PASD1: variants seen among roughly 807,000 people sequenced by gnomAD.
PASD1 encodes the protein circadian clock protein PASD1.
In PASD1, 13 loss-of-function variants were observed where a neutral mutation model predicts 58.8. The ratio of observed to expected loss-of-function variants is 0.22; its 90% CI spans 0.14 to 0.35. The LOEUF (loss-of-function observed/expected upper bound fraction) is 0.35. PASD1 is among the 10% of genes least tolerant of loss of function. The pLI, the probability that PASD1 is intolerant of heterozygous loss-of-function variation, is 1.00. For synonymous variants in PASD1, 236 were observed against 216.7 expected, an observed-to-expected ratio of 1.09 and a Z score of -0.78; for missense variants, 734 against 568.3, an observed-to-expected ratio of 1.29 and a Z score of -2.96.
Position 151,621,603 on chromosome X carries a change from C to A in PASD1, c.418+11C>A. On this transcript the variant is annotated intron_variant, in intron 6 of 15. Coordinates refer to ENST00000370357, the MANE Select transcript of PASD1 (RefSeq NM_173493.3). ...GAGATATTTGTAATGGTAAGCAGTT[C>A]TGTTTATCTTATCTATATGACATTT... 1.8e-6 allele frequency: 2 copies of A among 1,107,647 alleles called. No individual in the cohort carries two copies. The highest frequency in any genetic ancestry group is 3.0e-5 in the East Asian group (1 of 32,827). The allele number at this position is 1,107,647 out of a possible 1,213,427, so 91.3% of individuals were successfully genotyped here.
intron 2 of PASD1, among the ~76,000 whole-genome samples, chrX:151,603,373 C>A (rs895702698): frequency 1.8e-5 from 2 of 112,307 alleles, no homozygotes; most frequent in African/African-American, 6.5e-5. Context: ...TAAACAAAAA[C>A]AAGTTCATGG....
intron 2 of PASD1, among the ~76,000 whole-genome samples, chrX:151,604,137 G>T (rs1291160509): frequency 1.8e-5 from 2 of 111,592 alleles, no homozygotes; most frequent in African/African-American, 6.5e-5. Context: ...TAGGACAGAT[G>T]GGGGAGAGGA....
intron 11 of PASD1, among the ~76,000 whole-genome samples, chrX:151,669,813 A>T (rs1457027775): frequency 8.9e-6 from 1 of 112,026 alleles, no homozygotes; most frequent in Non-Finnish European, 1.9e-5. Context: ...ACTTGGGTTA[A>T]TTCCAAATTT....
At chrX:151,613,034 A>C (rs920854174) in intron 4 of PASD1, among the ~76,000 whole-genome samples, 11 of 111,968 alleles carry the variant, frequency 9.8e-5, no homozygotes, top group African/African-American at 3.2e-4. Flanking sequence ...CTTTCAACAT[A>C]TGGCTAGCCC....
rs376601663 is a variant in PASD1, at chrX:151,658,348, A to G, written c.718-1365A>G. On this transcript the variant is annotated intron_variant, in intron 9 of 15. Transcript: ENST00000370357. Reference sequence around the variant, plus strand: ...TCTTGGCTTTGTTTTTTCCAGGCCAATTACCATTACTGCACATGATGCTGT... The same window carrying G: ...TCTTGGCTTTGTTTTTTCCAGGCCAGTTACCATTACTGCACATGATGCTGT... Among the ~76,000 whole-genome samples the G allele has an allele frequency of 4.4e-5, 5 of 112,515 alleles. No homozygotes were observed. In the East Asian group the frequency reaches 1.4e-3, roughly 31 times the overall value.
intron 9 of PASD1, among the ~76,000 whole-genome samples, chrX:151,655,656 T>G (rs1196614783): frequency 2.7e-5 from 3 of 112,464 alleles, no homozygotes; most frequent in East Asian, 5.6e-4. Context: ...TGTCTTCTTT[T>G]GAGAAGTGTC....
chrX:151,596,491 C>A (rs925875856), intron 1 of PASD1, among the ~76,000 whole-genome samples: 2 of 112,409 alleles, frequency 1.8e-5, no homozygotes, highest in Non-Finnish European at 3.8e-5. Context: ...AGCATTGCCT[C>A]TTTTTAAGGA....
chrX:151,618,309 A>G (rs2013663304), intron 4 of PASD1, among the ~76,000 whole-genome samples: 1 of 112,270 alleles, frequency 8.9e-6, no homozygotes, highest in East Asian at 2.8e-4. Flanking sequence ...TAGATTATTA[A>G]TGCTAATCAG....
chrX:151,612,236 T>G (rs181908652), intron 4 of PASD1, among the ~76,000 whole-genome samples: 16,004 of 74,661 alleles, frequency 0.21, 2,319 homozygotes, highest in Non-Finnish European at 0.25. Flanking sequence ...ATTTGGCTGG[T>G]TCCAAGTCTT....
At chrX:151,625,203 G>C (rs1452748445) in intron 7 of PASD1, among the ~76,000 whole-genome samples, 1 of 111,690 alleles carries the variant, frequency 9.0e-6, no homozygotes. Context: ...AGTGGGAAGA[G>C]GGATGAACTC....
chrX:151,566,214 G>A (rs1461615400), intron 1 of PASD1, among the ~76,000 whole-genome samples: 2 of 112,135 alleles, frequency 1.8e-5, no homozygotes, highest in East Asian at 5.6e-4. Context: ...GCAGAGAAAC[G>A]TGCAAACAAA....
At chrX:151,567,491 G>A (rs1446131495) in intron 1 of PASD1, among the ~76,000 whole-genome samples, 1 of 111,090 alleles carries the variant, frequency 9.0e-6, no homozygotes, top group African/African-American at 3.3e-5. Flanking sequence ...AGGCTTCTGG[G>A]GACTACTAGC....
intron 1 of PASD1, among the ~76,000 whole-genome samples, chrX:151,574,006 A>C (rs1346881342): frequency 4.4e-5 from 5 of 112,531 alleles, no homozygotes; most frequent in Admixed American, 2.8e-4. Context: ...GCAAGGTAGA[A>C]ATGAATTTAA....
At chrX:151,600,773 A>G in intron 1 of PASD1, among the ~76,000 whole-genome samples, 1 of 111,698 alleles carries the variant, frequency 9.0e-6, no homozygotes, top group South Asian at 3.8e-4. Context: ...GTTATTTTTT[A>G]TCTAGGAGAG....
intron 9 of PASD1, among the ~76,000 whole-genome samples, chrX:151,654,075 T>C (rs2014206232): frequency 9.7e-6 from 1 of 103,168 alleles, no homozygotes; most frequent in Non-Finnish European, 2.0e-5. Flanking sequence ...GCTCAAATGA[T>C]CCTCCCAACT....
chrX:151,589,880 C>G (rs2013221781), intron 1 of PASD1, among the ~76,000 whole-genome samples: 1 of 112,241 alleles, frequency 8.9e-6, no homozygotes, highest in Non-Finnish European at 1.9e-5. Flanking sequence ...ATTTCTCATT[C>G]TGTTTTCTAC....
chrX:151,628,524 G>A (rs1290883863), intron 8 of PASD1, among the ~76,000 whole-genome samples: 5 of 111,316 alleles, frequency 4.5e-5, no homozygotes, highest in South Asian at 3.8e-4. Flanking sequence ...GTAGATATGC[G>A]GCATTATTCT....
intron 8 of PASD1, among the ~76,000 whole-genome samples, chrX:151,634,212 A>C (rs1232235726): frequency 9.1e-6 from 1 of 110,135 alleles, no homozygotes; most frequent in Non-Finnish European, 1.9e-5. Context: ...CTTTATTATC[A>C]TTCTCTCCTC....
chrX:151,659,608 G>C lies in PASD1; in HGVS notation c.718-105G>C, dbSNP rs183357615. ...TTTTCAGTTGATTGCAGCAGTGTTA[G>C]AAATTGTGATGTGAAATGCATCAAA... On this transcript the variant is annotated intron_variant, in intron 9 of 15. Transcript: ENST00000370357. 380 of 815,321 alleles carry C rather than the reference G, an allele frequency of 4.7e-4. 1 individual carries two copies. The highest frequency in any genetic ancestry group is 6.1e-4 in the Non-Finnish European group (358 of 589,764). 67.2% of individuals were successfully genotyped at this position (815,321 alleles called of 1,213,427 possible). A position where few individuals can be genotyped will look rare whatever the true frequency, so the allele number is the denominator to read the frequency against.
Sources: gnomAD v4.1 joint callset for allele counts (sites outside exome capture counted in the v4.1 genomes callset) on GRCh38, gnomAD v4.1.1 for gene constraint, MANE v1.5 for transcripts, NCBI Gene and HGNC (gene_info 2026-07-23, HGNC 2026-07-21) for gene names.